The following KCNQ1 variants were observed in gnomAD, a reference collection of about 807,000 sequenced individuals.
KCNQ1 encodes the protein potassium voltage-gated channel subfamily Q member 1.
In KCNQ1, 49 loss-of-function variants were observed where a neutral mutation model predicts 72.4. The ratio of observed to expected loss-of-function variants is 0.68; its 90% CI spans 0.54 to 0.86. KCNQ1 has a LOEUF of 0.86. KCNQ1 is among the 40% of genes least tolerant of loss of function. KCNQ1 has a pLI of 0.00. For synonymous variants in KCNQ1, 450 were observed against 412.6 expected (o/e 1.09, Z -1.10); for missense variants, 790 against 945.1 (o/e 0.84, Z 2.15).
At chr11:2,802,112 G>A (rs993829915) in intron 15 of KCNQ1, among the ~76,000 whole-genome samples, 1 of 152,230 alleles carries the variant, frequency 6.6e-6, no homozygotes, top group African/African-American at 2.4e-5. Context: ...CGTGCTGAGG[G>A]TGTTGGGGCC....
intron 10 of KCNQ1, chr11:2,635,632 T>C (rs538118928): frequency 2.0e-5 from 3 of 152,224 alleles, no homozygotes; most frequent in African/African-American, 7.2e-5. Context: ...TCCAGCTTTG[T>C]TCTTTTGGCT....
At chr11:2,739,527 C>T (rs1056169386) in intron 11 of KCNQ1, among the ~76,000 whole-genome samples, 1 of 152,248 alleles carries the variant, frequency 6.6e-6, no homozygotes, top group Non-Finnish European at 1.5e-5. Flanking sequence ...CAACATTACT[C>T]TAATGAAATA....
intron 1 of KCNQ1, among the ~76,000 whole-genome samples, chr11:2,502,308 A>C (rs1847030025): frequency 6.6e-6 from 1 of 152,238 alleles, no homozygotes; most frequent in Non-Finnish European, 1.5e-5. Flanking sequence ...TAAAGACCCC[A>C]CAAAAAAACT....
At position 2,671,715 on chromosome 11, in the gene KCNQ1, G is replaced by C. The variant is rs1223930503; in HGVS notation, c.1514+9634G>C. The C allele has an allele frequency of 1.5e-5, 6 of 398,584 alleles. No individual in the cohort carries two copies. In the Admixed American group the frequency reaches 2.2e-4, roughly 15 times the overall value. The allele number at this position is 398,584 out of a possible 1,614,324, so 24.7% of individuals were successfully genotyped here. Reference sequence around the variant, plus strand: ...ATAGAGGGTACTTGGGAAGTAGGGTGGTAGGCAAGGCTTTTCAGAGAACAA... The same window carrying C: ...ATAGAGGGTACTTGGGAAGTAGGGTCGTAGGCAAGGCTTTTCAGAGAACAA... On this transcript the variant is annotated intron_variant, in intron 11 of 15. Coordinates refer to ENST00000155840, the MANE Select transcript of KCNQ1 (RefSeq NM_000218.3). The surrounding 1 kb of genome is among the most constrained non-coding windows in gnomAD (Gnocchi z 4.7).
At position 2,687,832 on chromosome 11, in the gene KCNQ1, G is replaced by A. The variant is rs1850517343; in HGVS notation, c.1514+25751G>A. 7.5e-6 allele frequency: 3 copies of A among 398,600 alleles called. No individual in the cohort carries two copies. Among genetic ancestry groups the A allele is most frequent in the Admixed American group, 4.4e-5 (1 of 22,722 alleles). 24.7% of individuals were successfully genotyped at this position (398,600 alleles called of 1,614,324 possible). ...CCCTCCTCTGCCCCAACTGGCTCCA[G>A]GCCAAACTCTGGTTCCTGAGGAGCC... On this transcript the variant is annotated intron_variant, in intron 11 of 15. Coordinates refer to ENST00000155840, the MANE Select transcript of KCNQ1 (RefSeq NM_000218.3). This position sits in a 1 kb window ranked among gnomAD's most constrained non-coding sequence, Gnocchi z 5.0.
At chr11:2,583,878 C>A (rs1848543393) in intron 7 of KCNQ1, among the ~76,000 whole-genome samples, 2 of 152,090 alleles carry the variant, frequency 1.3e-5, no homozygotes, top group South Asian at 4.1e-4. Context: ...GAATCTTGTG[C>A]CTGGAGAGGG....
intron 2 of KCNQ1, among the ~76,000 whole-genome samples, chr11:2,548,523 G>C (rs1340068641): frequency 6.6e-6 from 1 of 152,262 alleles, no homozygotes; most frequent in Non-Finnish European, 1.5e-5. Flanking sequence ...TGTAGGTGGA[G>C]TGTCCTAAGC....
chr11:2,835,799 C>T (rs1434029899), intron 15 of KCNQ1, among the ~76,000 whole-genome samples: 4 of 152,234 alleles, frequency 2.6e-5, no homozygotes, highest in Non-Finnish European at 5.9e-5. Flanking sequence ...GAAAAGCCTT[C>T]CTCATGGAGG....
chr11:2,701,198 T>A (rs1176255721), intron 11 of KCNQ1, among the ~76,000 whole-genome samples: 1 of 152,124 alleles, frequency 6.6e-6, no homozygotes, highest in African/African-American at 2.4e-5. Flanking sequence ...GGAATCTCTC[T>A]CCAAGGGTGA....
At position 2,787,753 on chromosome 11, in the gene KCNQ1, T is replaced by G. The variant is rs1251521768; in HGVS notation, c.1794+9716T>G. Among the ~76,000 whole-genome samples the G allele has an allele frequency of 6.6e-6, 1 of 152,238 alleles. No homozygotes were observed. Among genetic ancestry groups the G allele is most frequent in the African/African-American group, 2.4e-5 (1 of 41,464 alleles). ...GACACCGAGTTTTCATGAGAACGAC[T>G]TGGTCTGTATTTAGATTTCATAAAA... On this transcript the variant is annotated intron_variant, in intron 15 of 15. Coordinates refer to ENST00000155840, the MANE Select transcript of KCNQ1 (RefSeq NM_000218.3). The surrounding 1 kb of genome is among the most constrained non-coding windows in gnomAD (Gnocchi z 6.3).
Position 2,621,925 on chromosome 11 carries a change from GTTC to G in KCNQ1, c.1393+33077_1393+33079del, listed in dbSNP as rs764151014. ...CTTCTGTTAACTTTGGCTTTAGTTT[GTTC>G]TTCTTTTTCTAATTCCTTGAGGTAC... On this transcript the variant is annotated intron_variant, in intron 10 of 15. Coordinates refer to ENST00000155840, the MANE Select transcript of KCNQ1 (RefSeq NM_000218.3). The surrounding 1 kb of genome is among the most constrained non-coding windows in gnomAD (Gnocchi z 5.7). 494 of 397,994 alleles carry G rather than the reference GTTC, an allele frequency of 1.2e-3. No homozygotes were observed. The highest frequency in any genetic ancestry group is 1.8e-3 in the Non-Finnish European group (402 of 225,852). 24.7% of individuals were successfully genotyped at this position (397,994 alleles called of 1,614,324 possible).
Position 2,769,795 on chromosome 11 carries a change from A to T in KCNQ1, c.1590+876A>T, listed in dbSNP as rs163155. On this transcript the variant is annotated intron_variant, in intron 12 of 15. Coordinates refer to ENST00000155840, the MANE Select transcript of KCNQ1 (RefSeq NM_000218.3). The surrounding 1 kb of genome is among the most constrained non-coding windows in gnomAD (Gnocchi z 4.6). ...CGTGCTTGAGTGAGTGCGTGTCTGC[A>T]GGAGCAGGGCAGGGTGGGGCTTCTG... Among the ~76,000 whole-genome samples, 12 of 152,042 alleles carry T rather than the reference A, an allele frequency of 7.9e-5. No homozygotes were observed. Among genetic ancestry groups the T allele is most frequent in the Admixed American group, 4.6e-4 (7 of 15,290 alleles).
chr11:2,643,331 G>A (rs1025220382), intron 10 of KCNQ1: 3 of 398,110 alleles, frequency 7.5e-6, no homozygotes, highest in African/African-American at 6.2e-5. Context: ...TATATATCTG[G>A]GTGCTTTGGT....
intron 10 of KCNQ1, among the ~76,000 whole-genome samples, chr11:2,605,286 A>C (rs1255144562): frequency 6.6e-6 from 1 of 152,120 alleles, no homozygotes; most frequent in East Asian, 1.9e-4. Context: ...AAAAGCTTTT[A>C]ATTTTTATGA....
chr11:2,569,452 G>A (rs1848293861), intron 2 of KCNQ1, among the ~76,000 whole-genome samples: 2 of 152,208 alleles, frequency 1.3e-5, no homozygotes, highest in Non-Finnish European at 2.9e-5. Context: ...TCCCTGGTGG[G>A]GGCGTGGCAT....
At position 2,808,534 on chromosome 11, in the gene KCNQ1, A is replaced by T. The variant is rs1045568223; in HGVS notation, c.1794+30497A>T. ...GAAGAAAACAAAAGAGGACCATAAT[A>T]TCTCCACAGAGAACTATCATTAATT... On this transcript the variant is annotated intron_variant, in intron 15 of 15. Transcript: ENST00000155840. The surrounding 1 kb of genome is among the most constrained non-coding windows in gnomAD (Gnocchi z 6.0). Among the ~76,000 whole-genome samples, 2 of 152,160 alleles carry T rather than the reference A, an allele frequency of 1.3e-5. No homozygotes were observed. Among genetic ancestry groups the T allele is most frequent in the Non-Finnish European group, 2.9e-5 (2 of 68,034 alleles).
intron 15 of KCNQ1, among the ~76,000 whole-genome samples, chr11:2,845,526 T>C (rs1848309208): frequency 6.6e-6 from 1 of 152,214 alleles, no homozygotes; most frequent in Non-Finnish European, 1.5e-5. Flanking sequence ...ACAGAAGTCC[T>C]GCACCCCTTT....
intron 10 of KCNQ1, chr11:2,646,605 A>C (rs1849669750): frequency 1.5e-5 from 6 of 398,560 alleles, no homozygotes; most frequent in Non-Finnish European, 2.7e-5. Context: ...TGCTCACTGC[A>C]ACCTTCACCT....
intron 11 of KCNQ1, among the ~76,000 whole-genome samples, chr11:2,753,230 A>C (rs555378917): frequency 6.6e-6 from 1 of 152,242 alleles, no homozygotes; most frequent in South Asian, 2.1e-4. Context: ...GGGAGTCACG[A>C]GATCTTCAGT....
Sources: allele counts gnomAD v4.1 joint callset (sites outside exome capture counted in the v4.1 genomes callset), GRCh38; gene constraint gnomAD v4.1.1; non-coding constraint Gnocchi (gnomAD v3.1); transcripts MANE v1.5; gene names NCBI Gene and HGNC (gene_info 2026-07-23, HGNC 2026-07-21).